PMFBP1: variants seen among roughly 807,000 people sequenced by gnomAD.
PMFBP1 encodes polyamine modulated factor 1 binding protein 1, also known as polyamine-modulated factor 1-binding protein 1.
In PMFBP1, 131 loss-of-function variants were observed where a neutral mutation model predicts 137.8. The observed-to-expected ratio is 0.95, with a 90% CI of 0.82 to 1.10. The LOEUF (loss-of-function observed/expected upper bound fraction) is 1.10, where lower values mean the gene tolerates loss of function less well. Ranked by LOEUF, PMFBP1 falls within the 50% of genes least tolerant of loss-of-function variation. The probability of loss-of-function intolerance (pLI) is 0.00; values close to 1 mark genes in which losing one functional copy is unlikely to be tolerated. For missense variants in PMFBP1, 1,199 were observed against 1,175.4 expected (o/e 1.02, Z -0.29); for synonymous variants, 490 against 450.4 (o/e 1.09, Z -1.11).
At chr16:72,247,088 A>G in the PMFBP1 span, among the ~76,000 whole-genome samples, 2 of 152,206 alleles carry the variant, frequency 1.3e-5, no homozygotes, top group African/African-American at 2.4e-5. Context: ...CAATTTCCCC[A>G]GGATAGAAGG....
At chr16:72,204,378 T>G in the PMFBP1 span, among the ~76,000 whole-genome samples, 2 of 152,016 alleles carry the variant, frequency 1.3e-5, no homozygotes, top group African/African-American at 2.4e-5. Flanking sequence ...CGTTGCTAGT[T>G]TTTTGTGGAG....
the PMFBP1 span, among the ~76,000 whole-genome samples, chr16:72,195,468 A>G: frequency 2.2e-3 from 329 of 152,206 alleles, 1 homozygote; most frequent in Admixed American, 4.1e-3. Flanking sequence ...CTGAACTGAC[A>G]CAAGAACCCA....
At chr16:72,217,064 T>C in the PMFBP1 span, among the ~76,000 whole-genome samples, 5 of 152,194 alleles carry the variant, frequency 3.3e-5, no homozygotes, top group Non-Finnish European at 4.4e-5. Flanking sequence ...GTGTGTCCTA[T>C]ACGTGGTTCT....
upstream of PMFBP1, among the ~76,000 whole-genome samples, chr16:72,180,880 C>A (rs1484496548): frequency 4.6e-5 from 7 of 152,124 alleles, no homozygotes; most frequent in Admixed American, 1.3e-4. Flanking sequence ...ATGTCTGTCC[C>A]CAAAATGAGT....
chr16:72,156,906 G>T (rs36125653), intron 3 of PMFBP1, among the ~76,000 whole-genome samples: 16 of 151,798 alleles, frequency 1.1e-4, no homozygotes, highest in African/African-American at 3.4e-4. Flanking sequence ...AGACAAAATC[G>T]GCTGGGTGCG....
rs570288291 is a variant in PMFBP1 at position 72,159,052 on chromosome 16, C to T, written c.166-4593G>A. Among the ~76,000 whole-genome samples, 12 of 152,328 alleles carry T rather than the reference C, an allele frequency of 7.9e-5. No homozygotes were observed. The East Asian group carries it at 1.9e-3, about 24-fold the overall frequency. On this transcript the variant is annotated intron_variant, in intron 3 of 20. Coordinates refer to ENST00000237353, the MANE Select transcript of PMFBP1 (RefSeq NM_031293.3). ...CTTTCTCTTTTGGCTTTGTAAGCATCTGTCCACTGCTGAGTGTGTATGACC... is the reference window on the plus strand; with the variant it reads ...CTTTCTCTTTTGGCTTTGTAAGCATTTGTCCACTGCTGAGTGTGTATGACC...
intron 7 of PMFBP1, 122 bp downstream of exon 7, chr16:72,139,167 C>T (rs2042677681): frequency 1.4e-6 from 1 of 732,942 alleles, no homozygotes; most frequent in Non-Finnish European, 2.2e-6. Context: ...GCCAACCAAG[C>T]TCACACAGAT....
At chr16:72,179,763 C>G (rs1024872121), upstream of PMFBP1, among the ~76,000 whole-genome samples, 1 of 152,136 alleles carries the variant, frequency 6.6e-6, no homozygotes, top group African/African-American at 2.4e-5. Flanking sequence ...ACTGTATGAT[C>G]GTTGCTATGG....
At chr16:72,163,702 C>T (rs577918004) in intron 3 of PMFBP1, among the ~76,000 whole-genome samples, 7 of 152,098 alleles carry the variant, frequency 4.6e-5, no homozygotes, top group African/African-American at 9.6e-5. Flanking sequence ...TCCATGTTTT[C>T]GCATGTGGTA....
the PMFBP1 span, among the ~76,000 whole-genome samples, chr16:72,212,451 A>C: frequency 6.6e-6 from 1 of 151,314 alleles, no homozygotes; most frequent in Non-Finnish European, 1.5e-5. Flanking sequence ...TTAAGCTATG[A>C]GTGCTTTTAA....
At chr16:72,155,539 A>G (rs946010012) in intron 3 of PMFBP1, among the ~76,000 whole-genome samples, 1 of 152,250 alleles carries the variant, frequency 6.6e-6, no homozygotes, top group Non-Finnish European at 1.5e-5. Context: ...CCTAGTTTAC[A>G]GATTCATACA....
chr16:72,191,734 G>A, the PMFBP1 span, among the ~76,000 whole-genome samples: 1 of 152,078 alleles, frequency 6.6e-6, no homozygotes, highest in Non-Finnish European at 1.5e-5. Flanking sequence ...CTCCTCTTGA[G>A]GTATGAGGGC....
chr16:72,168,095 T>C (rs1197695997), intron 2 of PMFBP1, among the ~76,000 whole-genome samples: 1 of 152,214 alleles, frequency 6.6e-6, no homozygotes, highest in African/African-American at 2.4e-5. Flanking sequence ...AATGTCTTCA[T>C]TCATGAAACA....
the PMFBP1 span, among the ~76,000 whole-genome samples, chr16:72,229,811 A>G: frequency 6.6e-6 from 1 of 152,174 alleles, no homozygotes; most frequent in Non-Finnish European, 1.5e-5. Flanking sequence ...CAGCTGAAGA[A>G]GCCAATATTT....
the PMFBP1 span, among the ~76,000 whole-genome samples, chr16:72,239,458 T>G: frequency 6.6e-6 from 1 of 152,232 alleles, no homozygotes; most frequent in Non-Finnish European, 1.5e-5. Context: ...TCAATTTATA[T>G]GCATTTTCTT....
rs2042612738 is a variant in PMFBP1 at position 72,135,408 on chromosome 16, G to A, written c.1203+1040C>T. On this transcript the variant is annotated intron_variant, in intron 9 of 20. Coordinates refer to ENST00000237353, the MANE Select transcript of PMFBP1 (RefSeq NM_031293.3). Reference sequence around the variant, plus strand: ...TTGTTGTTTTTTTAAGTAGAGACGGGGTTTCACCCTGTTGGTCAGGCTGGT... The same window carrying A: ...TTGTTGTTTTTTTAAGTAGAGACGGAGTTTCACCCTGTTGGTCAGGCTGGT... Among the ~76,000 whole-genome samples the A allele has an allele frequency of 2.7e-5, 4 of 150,780 alleles. No individual in the cohort carries two copies. In the South Asian group the frequency reaches 8.4e-4, roughly 32 times the overall value.
chr16:72,188,009 T>C, the PMFBP1 span, among the ~76,000 whole-genome samples: 1 of 152,250 alleles, frequency 6.6e-6, no homozygotes, highest in Admixed American at 6.5e-5. Context: ...GGTACAAGAA[T>C]GGTCTCATTA....
the PMFBP1 span, among the ~76,000 whole-genome samples, chr16:72,184,535 C>T: frequency 6.6e-6 from 1 of 152,164 alleles, no homozygotes; most frequent in Non-Finnish European, 1.5e-5. Flanking sequence ...TGCATAACAG[C>T]CCTATGGGTA....
the PMFBP1 span, among the ~76,000 whole-genome samples, chr16:72,220,788 G>A: frequency 6.6e-6 from 1 of 152,110 alleles, no homozygotes; most frequent in African/African-American, 2.4e-5. Context: ...CACATTGAGG[G>A]GACCCAGGGC....
Sources: allele counts gnomAD v4.1 joint callset (sites outside exome capture counted in the v4.1 genomes callset), GRCh38; gene constraint gnomAD v4.1.1; transcripts MANE v1.5; gene names NCBI Gene and HGNC (gene_info 2026-07-23, HGNC 2026-07-21).